Variants in ZRANB3 observed in about 807,000 individuals in gnomAD.
The protein encoded by ZRANB3 is DNA annealing helicase and endonuclease ZRANB3.
Under a neutral mutation model 133.8 loss-of-function variants are expected in ZRANB3, and 125 were observed. That is an observed-to-expected ratio of 0.93 (90% confidence interval 0.81 to 1.08). ZRANB3 has a LOEUF of 1.08. Among genes scored for constraint, ZRANB3 ranks in the 50% least tolerant of loss-of-function variants. The probability of loss-of-function intolerance (pLI) is 0.00; values close to 1 mark genes in which losing one functional copy is unlikely to be tolerated. For missense variants in ZRANB3, 1,229 were observed against 1,275.5 expected (o/e 0.96, Z 0.56); for synonymous variants, 387 against 432.7 (o/e 0.89, Z 1.31).
At chr2:135,381,975 A>G (rs2104913136) in intron 3 of ZRANB3, among the ~76,000 whole-genome samples, 1 of 152,352 alleles carries the variant, frequency 6.6e-6, no homozygotes, top group South Asian at 2.1e-4. Flanking sequence ...CACCAGCAAC[A>G]GAACAAAGCT....
At chr2:135,431,726 C>T (rs1039249276) in intron 2 of ZRANB3, among the ~76,000 whole-genome samples, 4 of 151,962 alleles carry the variant, frequency 2.6e-5, no homozygotes, top group African/African-American at 7.3e-5. Context: ...TTTAGTGATC[C>T]GAAAACTGCA....
intron 6 of ZRANB3, among the ~76,000 whole-genome samples, chr2:135,342,986 G>A (rs373659822): frequency 9.5e-5 from 10 of 104,854 alleles, no homozygotes; most frequent in South Asian, 3.0e-4. Context: ...CCAATATGGC[G>A]AAACCCTGTC....
At chr2:135,431,413 T>C (rs966674231) in intron 2 of ZRANB3, among the ~76,000 whole-genome samples, 1 of 151,736 alleles carries the variant, frequency 6.6e-6, no homozygotes, top group Non-Finnish European at 1.5e-5. Context: ...GGATTATATA[T>C]GTATCTTTGT....
intron 8 of ZRANB3, among the ~76,000 whole-genome samples, chr2:135,312,882 T>C (rs1373673289): frequency 6.6e-6 from 1 of 151,496 alleles, no homozygotes; most frequent in African/African-American, 2.4e-5. Context: ...TTGCCAGGCA[T>C]GGAGGCACGT....
At chr2:135,383,440 G>A (rs1373586518) in intron 3 of ZRANB3, among the ~76,000 whole-genome samples, 1 of 152,102 alleles carries the variant, frequency 6.6e-6, no homozygotes, top group Non-Finnish European at 1.5e-5. Flanking sequence ...AGATCAACGA[G>A]ACAGAAAGTT....
At chr2:135,440,293 T>A (rs1461649838) in intron 2 of ZRANB3, among the ~76,000 whole-genome samples, 2 of 151,942 alleles carry the variant, frequency 1.3e-5, no homozygotes, top group East Asian at 3.9e-4. Context: ...TGAAACCCCA[T>A]CTCTACCAAA....
chr2:135,458,713 A>C (rs1690634563), intron 2 of ZRANB3, among the ~76,000 whole-genome samples: 1 of 152,138 alleles, frequency 6.6e-6, no homozygotes, highest in Non-Finnish European at 1.5e-5. Context: ...ATGAGGAGAC[A>C]CAGAGATCTA....
chr2:135,375,457 G>A (rs1441637602), intron 3 of ZRANB3, among the ~76,000 whole-genome samples: 1 of 152,020 alleles, frequency 6.6e-6, no homozygotes, highest in Non-Finnish European at 1.5e-5. Context: ...AGGCCAAGGC[G>A]GGCAGATCAC....
chr2:135,390,687 C>G, intron 3 of ZRANB3, 115 bp downstream of exon 3: 1 of 1,443,018 alleles, frequency 6.9e-7, no homozygotes, highest in South Asian at 1.3e-5. Flanking sequence ...CTCTCTCTCC[C>G]CATCCCCATA....
chr2:135,432,341 A>G (rs1436136806), intron 2 of ZRANB3, among the ~76,000 whole-genome samples: 1 of 152,206 alleles, frequency 6.6e-6, no homozygotes, highest in Non-Finnish European at 1.5e-5. Flanking sequence ...AGACATATAC[A>G]TTCACTCAAA....
At chr2:135,427,567 G>C (rs1398551904) in intron 2 of ZRANB3, among the ~76,000 whole-genome samples, 1 of 152,098 alleles carries the variant, frequency 6.6e-6, no homozygotes, top group Non-Finnish European at 1.5e-5. Flanking sequence ...CAAGCAAATG[G>C]AAAAACGTTC....
intron 14 of ZRANB3, among the ~76,000 whole-genome samples, chr2:135,225,609 T>C (rs906085681): frequency 1.3e-5 from 2 of 152,244 alleles, no homozygotes; most frequent in African/African-American, 2.4e-5. Context: ...AATACTATTG[T>C]CACTTTTACA....
intron 8 of ZRANB3, among the ~76,000 whole-genome samples, chr2:135,284,156 A>G (rs758840149): frequency 1.5e-4 from 23 of 152,192 alleles, no homozygotes; most frequent in Non-Finnish European, 1.2e-4. Flanking sequence ...GACATTGAGA[A>G]AGTCACTTAA....
At chr2:135,268,301 A>AT (rs1017632642) in intron 11 of ZRANB3, among the ~76,000 whole-genome samples, 4 of 152,078 alleles carry the variant, frequency 2.6e-5, no homozygotes, top group African/African-American at 9.7e-5. Context: ...AGTAGCTGGG[A>AT]TTACAGGCAC....
Position 135,244,403 on chromosome 2 carries a change from C to T in ZRANB3, c.1540-13476G>A, listed in dbSNP as rs768153405. On this transcript the variant is annotated intron_variant, in intron 12 of 20. Coordinates refer to ENST00000264159, the MANE Select transcript of ZRANB3 (RefSeq NM_032143.4). The stretch of plus-strand genomic sequence containing the variant: ...GGCAGATCACTTGAGGTCAGGAGTT[C>T]GAAACCAGCCTGGCCAACACGGTGA... Among the ~76,000 whole-genome samples the T allele has an allele frequency of 6.6e-4, 101 of 152,048 alleles. 1 individual carries two copies. Among genetic ancestry groups the T allele is most frequent in the Non-Finnish European group, 4.7e-4 (32 of 68,012 alleles).
chr2:135,245,219 A>AAT (rs746261064), intron 12 of ZRANB3, among the ~76,000 whole-genome samples: 20 of 152,326 alleles, frequency 1.3e-4, no homozygotes, highest in Non-Finnish European at 2.9e-4. Context: ...GGAAGGCCTA[A>AAT]AAGGAGTAAG....
chr2:135,434,199 T>C (rs1689436394), intron 2 of ZRANB3, among the ~76,000 whole-genome samples: 1 of 151,836 alleles, frequency 6.6e-6, no homozygotes, highest in Non-Finnish European at 1.5e-5. Flanking sequence ...GGGTGGAAAA[T>C]TGATCCAGGG....
intron 2 of ZRANB3, among the ~76,000 whole-genome samples, chr2:135,417,846 A>AT (rs1376203630): frequency 1.3e-5 from 2 of 152,178 alleles, no homozygotes; most frequent in Non-Finnish European, 2.9e-5. Context: ...CACTCTCAGT[A>AT]AACTATCGCA....
chr2:135,242,165 G>A (rs1695580630), intron 12 of ZRANB3, among the ~76,000 whole-genome samples: 1 of 151,684 alleles, frequency 6.6e-6, no homozygotes, highest in African/African-American at 2.4e-5. Context: ...GTGACAGAGT[G>A]AGACTCTGTC....
Sources: allele counts gnomAD v4.1 joint callset (sites outside exome capture counted in the v4.1 genomes callset), GRCh38; gene constraint gnomAD v4.1.1; transcripts MANE v1.5; gene names NCBI Gene and HGNC (gene_info 2026-07-23, HGNC 2026-07-21).